The following NFILZ variants were observed in gnomAD, a reference collection of about 807,000 sequenced individuals.
NFILZ encodes NFIL3 like basic leucine zipper, also known as NFIL3 like protein.
rs1323288533 is a variant in NFILZ at position 8,680,936 on chromosome 19, G to A, written c.*3301G>A. Among the ~76,000 whole-genome samples, 4 of 152,164 alleles carry A rather than the reference G, an allele frequency of 2.6e-5. No homozygotes were observed. Among genetic ancestry groups the A allele is most frequent in the African/African-American group, 9.7e-5 (4 of 41,424 alleles). On this transcript the variant is annotated 3_prime_UTR_variant, in exon 6 of 6. Transcript: ENST00000691075. The stretch of plus-strand genomic sequence containing the variant: ...AGGAGGCCCATGTGGCTGGAGTGGA[G>A]TGAGTAAGGGGGAGAGAGGGAGGAG...
At chr19:8,666,501 A>C (rs781906988) in intron 3 of NFILZ, among the ~76,000 whole-genome samples, 12 of 151,842 alleles carry the variant, frequency 7.9e-5, no homozygotes, top group Non-Finnish European at 1.3e-4. Flanking sequence ...TATCTTATAG[A>C]CACATCTTAC....
chr19:8,672,493 C>A (rs4804077), intron 3 of NFILZ, among the ~76,000 whole-genome samples: 31,122 of 151,622 alleles, frequency 0.21, 3,417 homozygotes, highest in South Asian at 0.35. Flanking sequence ...CAAAAAAAAT[C>A]CATGCACTTA....
intron 3 of NFILZ, among the ~76,000 whole-genome samples, chr19:8,663,860 G>A (rs1190677506): frequency 6.6e-6 from 1 of 151,744 alleles, no homozygotes; most frequent in East Asian, 1.9e-4. Flanking sequence ...CAGGTGCCTC[G>A]AAGAGAGACC....
intron 3 of NFILZ, among the ~76,000 whole-genome samples, chr19:8,673,586 A>G (rs1357399918): frequency 2.0e-5 from 3 of 152,124 alleles, no homozygotes; most frequent in African/African-American, 7.2e-5. Context: ...GAGTCTCCCC[A>G]GTGACCAGGA....
intron 3 of NFILZ, among the ~76,000 whole-genome samples, chr19:8,653,751 A>ATAAG (rs1269239058): frequency 6.6e-5 from 10 of 152,220 alleles, no homozygotes; most frequent in African/African-American, 2.2e-4. Context: ...GTTCTCACTT[A>ATAAG]TAAGTGGGAG....
At chr19:8,672,362 T>TA (rs552466620) in intron 3 of NFILZ, among the ~76,000 whole-genome samples, 1,679 of 152,016 alleles carry the variant, frequency 0.011, 31 homozygotes, top group African/African-American at 0.038. Flanking sequence ...ATTAGTTCAT[T>TA]AAAAAAATTC....
rs1337181074 is a variant in NFILZ, at chr19:8,675,960, C to T, written c.-113-399C>T. Among the ~76,000 whole-genome samples, 4 of 151,986 alleles carry T rather than the reference C, an allele frequency of 2.6e-5. No homozygotes were observed. The East Asian group carries it at 7.7e-4, about 29-fold the overall frequency. ...GATGAAAAGATGCCTAGTAAAGGCA[C>T]AATGTGATTTAAAAAAAATGAATCT... On this transcript the variant is annotated intron_variant, in intron 4 of 5. Transcript: ENST00000691075.
intron 3 of NFILZ, among the ~76,000 whole-genome samples, chr19:8,670,992 C>CAA (rs35392454): frequency 9.4e-4 from 110 of 117,578 alleles, no homozygotes; most frequent in South Asian, 2.2e-3. Context: ...GAGACTGTCT[C>CAA]AAAAAAAAAA....
At chr19:8,656,650 G>A (rs1488420480) in intron 3 of NFILZ, among the ~76,000 whole-genome samples, 2 of 152,132 alleles carry the variant, frequency 1.3e-5, no homozygotes, top group Admixed American at 6.6e-5. Context: ...CACAGCTGCC[G>A]CCGCCCAATG....
At chr19:8,639,897 A>G (rs1354380905) in intron 3 of NFILZ, among the ~76,000 whole-genome samples, 2 of 152,126 alleles carry the variant, frequency 1.3e-5, no homozygotes, top group Admixed American at 1.3e-4. Context: ...TCTCTCTAAC[A>G]CTATTTAAAA....
chr19:8,647,299 C>T (rs569121524), intron 3 of NFILZ, among the ~76,000 whole-genome samples: 15 of 152,240 alleles, frequency 9.9e-5, no homozygotes, highest in African/African-American at 2.6e-4. Flanking sequence ...CGGCCAGGCG[C>T]GGTGGCTCAT....
chr19:8,637,945 G>T (rs1315366702), intron 3 of NFILZ, among the ~76,000 whole-genome samples: 4 of 70,020 alleles, frequency 5.7e-5, no homozygotes, highest in African/African-American at 1.9e-4. Flanking sequence ...GAAAAGAACA[G>T]AAAAAGAAAA....
In NFILZ at chr19:8,656,065, G is replaced by A. The variant is rs532691678; in HGVS notation, c.-163-18486G>A. 1.4e-3 allele frequency among the ~76,000 whole-genome samples: 218 copies of A among 151,774 alleles called. 1 individual carries two copies. Among genetic ancestry groups the A allele is most frequent in the Middle Eastern group, 0.014 (4 of 294 alleles). On this transcript the variant is annotated intron_variant, in intron 3 of 5. Transcript: ENST00000691075. ...CTTCCTCATTGGCTTACTCTGACCC[G>A]GTCCCTAAGGGGGACCACCAGGCAC...
At chr19:8,653,034 T>TCTCCC (rs1555747917) in intron 3 of NFILZ, among the ~76,000 whole-genome samples, 4 of 57,410 alleles carry the variant, frequency 7.0e-5, no homozygotes, top group African/African-American at 1.3e-4. Flanking sequence ...CTTTCTTTCT[T>TCTCCC]TCTTTCTCTC....
intron 3 of NFILZ, among the ~76,000 whole-genome samples, chr19:8,666,483 G>A (rs1443227815): frequency 6.6e-6 from 1 of 151,692 alleles, no homozygotes; most frequent in Non-Finnish European, 1.5e-5. Context: ...CCTATGCCAG[G>A]TATCTTATAT....
intron 3 of NFILZ, among the ~76,000 whole-genome samples, chr19:8,654,331 A>ATT (rs34061934): frequency 2.0e-5 from 3 of 150,126 alleles, no homozygotes; most frequent in African/African-American, 7.4e-5. Flanking sequence ...AAAAAAAAAA[A>ATT]TTATGGCTGG....
At chr19:8,637,912 CAAA>C (rs35778716) in intron 3 of NFILZ, among the ~76,000 whole-genome samples, 3 of 20,272 alleles carry the variant, frequency 1.5e-4, no homozygotes, top group South Asian at 4.3e-3. Context: ...AAGATGGTCT[CAAA>C]AAAAAAAAAA....
chr19:8,642,090 C>T (rs570628033), intron 3 of NFILZ, among the ~76,000 whole-genome samples: 1 of 152,176 alleles, frequency 6.6e-6, no homozygotes, highest in South Asian at 2.1e-4. Flanking sequence ...GATCTTCCTG[C>T]CTTAGCCTCC....
intron 3 of NFILZ, among the ~76,000 whole-genome samples, chr19:8,640,316 GTTTTT>G (rs71179871): frequency 8.0e-6 from 1 of 124,236 alleles, no homozygotes. Flanking sequence ...TCCTGCTGTA[GTTTTT>G]TTTTTTTTTT....
Sources: gnomAD v4.1 joint callset for allele counts (sites outside exome capture counted in the v4.1 genomes callset) on GRCh38, gnomAD v4.1.1 for gene constraint, MANE v1.5 for transcripts, NCBI Gene and HGNC (gene_info 2026-07-23, HGNC 2026-07-21) for gene names.